ZNF217: variants seen among roughly 807,000 people sequenced by gnomAD.
The protein encoded by ZNF217 is zinc finger protein 217.
ZNF217 carries 12 observed loss-of-function variants against 73.3 expected under a neutral mutation model. The observed-to-expected ratio is 0.16, with a 90% CI of 0.10 to 0.27. The LOEUF (loss-of-function observed/expected upper bound fraction) is 0.27. Among genes scored for constraint, ZNF217 ranks in the 10% least tolerant of loss-of-function variants. The pLI, the probability that ZNF217 is intolerant of heterozygous loss-of-function variation, is 1.00. For missense variants in ZNF217, 1,195 were observed against 1,327.8 expected (o/e 0.90, Z 1.55); for synonymous variants, 588 against 516.4 (o/e 1.14, Z -1.88).
In ZNF217 at chr20:53,592,848, A is replaced by G. The variant is rs376669570; in HGVS notation, c.-343+908T>C. Among the ~76,000 whole-genome samples, 11 of 151,534 alleles carry G rather than the reference A, an allele frequency of 7.3e-5. No homozygotes were observed. In the East Asian group the frequency reaches 1.5e-3, roughly 21 times the overall value. ...CAGAAACTTCCCTTAAAAAAAAAAA[A>G]AAAGAAAAGAAAAAAAAAAGCAGCA... On this transcript the variant is annotated intron_variant, in intron 1 of 5. Coordinates refer to ENST00000371471, the MANE Select transcript of ZNF217 (RefSeq NM_006526.3).
intron 4 of ZNF217, among the ~76,000 whole-genome samples, chr20:53,572,425 G>GA (rs113493470): frequency 0.12 from 18,542 of 149,976 alleles, 1,122 homozygotes; most frequent in South Asian, 0.19. Context: ...CAGAGGAGGG[G>GA]AAAAAAAAAA....
intron 5 of ZNF217, among the ~76,000 whole-genome samples, chr20:53,570,865 C>A (rs1453932507): frequency 6.6e-6 from 1 of 152,220 alleles, no homozygotes; most frequent in African/African-American, 2.4e-5. Flanking sequence ...CTGCCTCTCA[C>A]AGGCAGAGCG....
At chr20:53,569,460 G>A (rs1447831148) in intron 5 of ZNF217, among the ~76,000 whole-genome samples, 196 bp from the exon 6 acceptor site, 1 of 152,152 alleles carries the variant, frequency 6.6e-6, no homozygotes, top group African/African-American at 2.4e-5. Flanking sequence ...TTGGCTCACT[G>A]CAACCTCTAC....
chr20:53,576,942 C>G lies in ZNF217; in HGVS notation c.1822G>C (p.Asp608His). The G allele has an allele frequency of 2.5e-6, 4 of 1,614,212 alleles. No individual in the cohort carries two copies. Among genetic ancestry groups the G allele is most frequent in the Non-Finnish European group, 3.4e-6 (4 of 1,180,046 alleles). Residue 608 changes from aspartate to histidine, a missense_variant, in exon 4 of 6, where the codon GAT (aspartate) becomes CAT (histidine). Around this residue, in one of 9 missense-constraint regions of ZNF217, gnomAD observed 649 missense variants for 642.8 expected, o/e 1.01. Transcript: ENST00000371471. ...TTATTCACTTTATCAGCACTGTCATCAGCTGCATTTTTATGGAAATCCTGA... is the reference window on the plus strand; with the variant it reads ...TTATTCACTTTATCAGCACTGTCATGAGCTGCATTTTTATGGAAATCCTGA... ...DTQDFHKNAA[D>H]DSADKVNKNP...
At chr20:53,595,375 G>A (rs1321463099), upstream of ZNF217, among the ~76,000 whole-genome samples, 1 of 152,130 alleles carries the variant, frequency 6.6e-6, no homozygotes, top group African/African-American at 2.4e-5. Flanking sequence ...AACACATCAA[G>A]AAAAGCATTT....
In ZNF217 at chr20:53,569,152, T is replaced by C. The variant is rs1358655515; in HGVS notation, c.*136A>G. ...TAGTGTTCCTTGCAGATTCCTCATA[T>C]GTTTTATGTACAGTACAATCACAGC... On this transcript the variant is annotated 3_prime_UTR_variant, in exon 6 of 6. Coordinates refer to ENST00000371471, the MANE Select transcript of ZNF217 (RefSeq NM_006526.3). The C allele has an allele frequency of 7.5e-7, 1 of 1,341,936 alleles. No individual in the cohort carries two copies. The highest frequency in any genetic ancestry group is 1.5e-5 in the African/African-American group (1 of 67,396). The allele number at this position is 1,341,936 out of a possible 1,614,324, so 83.1% of individuals were successfully genotyped here.
Position 53,582,477 on chromosome 20 carries a change from G to A in ZNF217, c.350C>T (p.Pro117Leu), listed in dbSNP as rs773616137. 2.2e-5 allele frequency: 35 copies of A among 1,614,062 alleles called. No homozygotes were observed. The highest frequency in any genetic ancestry group is 3.0e-5 in the Non-Finnish European group (35 of 1,180,054). Residue 117 changes from proline to leucine, a missense_variant, in exon 2 of 6, where the codon CCT (proline) becomes CTT (leucine). This residue lies in a region of ZNF217 where 147 missense variants were observed against 184.3 expected (regional missense o/e 0.80). Coordinates refer to ENST00000371471, the MANE Select transcript of ZNF217 (RefSeq NM_006526.3). This position sits in a 1 kb window ranked among gnomAD's most constrained non-coding sequence, Gnocchi z 4.8. The stretch of plus-strand genomic sequence containing the variant: ...TTCCTTGCAATTCTTTTCCTTGGGA[G>A]GTTCTGTTCGCACTTGACTTTTATC... Reference protein sequence around the residue: ...PLDKSQVRTEPPKEKNCKENE... With the variant: ...PLDKSQVRTELPKEKNCKENE...
upstream of ZNF217, among the ~76,000 whole-genome samples, chr20:53,596,693 G>T (rs1289382457): frequency 6.6e-6 from 1 of 152,008 alleles, no homozygotes; most frequent in Non-Finnish European, 1.5e-5. Flanking sequence ...AAAATCGAAC[G>T]TTGGTCTTCC....
chr20:53,594,149 G>A (rs1205894792), upstream of ZNF217, among the ~76,000 whole-genome samples: 2 of 151,418 alleles, frequency 1.3e-5, no homozygotes, highest in South Asian at 2.1e-4. Flanking sequence ...GGTGCGCACG[G>A]GGGCAAAGGC....
At position 53,581,352 on chromosome 20, in the gene ZNF217, CA is replaced by C; in HGVS notation, c.1366+108del. On this transcript the variant is annotated intron_variant, in intron 2 of 5. Coordinates refer to ENST00000371471, the MANE Select transcript of ZNF217 (RefSeq NM_006526.3). The surrounding 1 kb of genome is among the most constrained non-coding windows in gnomAD (Gnocchi z 4.9). ...GAGCCTGGACTTGACTCTGGCTCTC[CA>C]AACCCCATTCCTGGCCAGCGTTGTC... The C allele has an allele frequency of 1.4e-6, 2 of 1,470,214 alleles. No homozygotes were observed. The highest frequency in any genetic ancestry group is 2.7e-5 in the South Asian group (2 of 72,972). 91.1% of individuals were successfully genotyped at this position (1,470,214 alleles called of 1,614,324 possible). A position where few individuals can be genotyped will look rare whatever the true frequency, so the allele number is the denominator to read the frequency against.
intron 1 of ZNF217, among the ~76,000 whole-genome samples, chr20:53,585,355 T>G (rs544195928): frequency 6.6e-6 from 1 of 151,904 alleles, no homozygotes; most frequent in East Asian, 1.9e-4. Context: ...AGGCCAGGAG[T>G]TGGAGACCAG....
upstream of ZNF217, among the ~76,000 whole-genome samples, chr20:53,596,335 A>G (rs2145993793): frequency 6.6e-6 from 1 of 152,316 alleles, no homozygotes; most frequent in East Asian, 1.9e-4. Context: ...TTTTATTTAT[A>G]TGTGATCCTC....
At chr20:53,583,972 A>C (rs1485448239) in intron 1 of ZNF217, among the ~76,000 whole-genome samples, 1 of 152,262 alleles carries the variant, frequency 6.6e-6, no homozygotes, top group African/African-American at 2.4e-5. Flanking sequence ...GATTTAAAAT[A>C]AAATCCTCAA....
At position 53,588,814 on chromosome 20, in the gene ZNF217, T is replaced by C. The variant is rs796622605; in HGVS notation, c.-343+4942A>G. Reference sequence around the variant, plus strand: ...CCTCCCCATCCTATCTTTTGCTGACTACATACTAAAGTTGTATATCTGGCT... The same window carrying C: ...CCTCCCCATCCTATCTTTTGCTGACCACATACTAAAGTTGTATATCTGGCT... On this transcript the variant is annotated intron_variant, in intron 1 of 5. Coordinates refer to ENST00000371471, the MANE Select transcript of ZNF217 (RefSeq NM_006526.3). Among the ~76,000 whole-genome samples, 73 of 152,334 alleles carry C rather than the reference T, an allele frequency of 4.8e-4. 2 individuals carry two copies. The highest frequency in any genetic ancestry group is 1.7e-3 in the African/African-American group (70 of 41,582).
At chr20:53,577,450 A>G (rs1340236964) in intron 3 of ZNF217, among the ~76,000 whole-genome samples, 170 bp from the exon 4 acceptor site, 1 of 152,244 alleles carries the variant, frequency 6.6e-6, no homozygotes. Flanking sequence ...TGAATATTTG[A>G]AATTATGAAT....
At chr20:53,597,109 A>AAAAAC (rs1989055992), upstream of ZNF217, among the ~76,000 whole-genome samples, 3 of 138,728 alleles carry the variant, frequency 2.2e-5, no homozygotes, top group East Asian at 2.1e-4. Context: ...AAAAAAAAAA[A>AAAAAC]AAAACTTCTG....
chr20:53,580,474 C>T (rs1183485724), intron 2 of ZNF217, among the ~76,000 whole-genome samples: 1 of 152,162 alleles, frequency 6.6e-6, no homozygotes, highest in East Asian at 1.9e-4. Context: ...GCAGCAAGAT[C>T]CTCTATTCAA....
chr20:53,582,357 C>G lies in ZNF217; in HGVS notation c.470G>C (p.Gly157Ala). 2 of 1,614,154 alleles carry G rather than the reference C, an allele frequency of 1.2e-6. No homozygotes were observed. The highest frequency in any genetic ancestry group is 1.7e-6 in the Non-Finnish European group (2 of 1,180,028). The change falls in exon 2 of 6, where the codon GGG becomes GCG. Residue 157 changes from glycine to alanine, a missense_variant. Physicochemically the swap from Gly to Ala is moderately conservative, Grantham distance 60 (BLOSUM62 0). Transcript: ENST00000371471. The surrounding 1 kb of genome is among the most constrained non-coding windows in gnomAD (Gnocchi z 4.8). ...MRTHKDSFTYGCNMCGRRFKE... is the reference protein window; with the variant it reads ...MRTHKDSFTYACNMCGRRFKE... ...GAATCTTCTTCCGCACATGTTACAC[C>G]CGTAAGTGAAAGAATCTTTGTGTGT...
chr20:53,587,265 C>G (rs1175273990), intron 1 of ZNF217, among the ~76,000 whole-genome samples: 4 of 152,216 alleles, frequency 2.6e-5, no homozygotes, highest in African/African-American at 9.7e-5. Context: ...TAATTACACA[C>G]TGATTTGTGA....
Sources: allele counts gnomAD v4.1 joint callset (sites outside exome capture counted in the v4.1 genomes callset), GRCh38; gene constraint gnomAD v4.1.1; regional missense constraint gnomAD v4.1.1; non-coding constraint Gnocchi (gnomAD v3.1); transcripts MANE v1.5; gene names NCBI Gene and HGNC (gene_info 2026-07-23, HGNC 2026-07-21).